Variants in SPATA3 observed in about 807,000 individuals in gnomAD.
SPATA3 encodes spermatogenesis associated 3.
A neutral mutation model predicts 5.7 loss-of-function variants in SPATA3; 6 were observed. That is an observed-to-expected ratio of 1.06 (90% CI 0.58 to 2.09). The LOEUF is 2.09. Ranked by LOEUF, SPATA3 falls within the 30% of genes most tolerant of loss-of-function variation. The pLI, the probability that SPATA3 is intolerant of heterozygous loss-of-function variation, is 0.00. For missense variants in SPATA3, 155 were observed against 130.4 expected (o/e 1.19, Z -0.92); for synonymous variants, 44 against 48.4 (o/e 0.91, Z 0.37).
At chr2:230,997,341 T>C (rs555852790) in intron 1 of SPATA3, among the ~76,000 whole-genome samples, 1 of 152,332 alleles carries the variant, frequency 6.6e-6, no homozygotes, top group South Asian at 2.1e-4. Flanking sequence ...TCCACCATGA[T>C]TGTGAGGCCT....
intron 2 of SPATA3, among the ~76,000 whole-genome samples, chr2:231,001,850 G>A (rs1463889221): frequency 6.6e-6 from 1 of 152,144 alleles, no homozygotes; most frequent in Non-Finnish European, 1.5e-5. Flanking sequence ...CTCTAGGAGA[G>A]GCTCCAACAG....
At chr2:231,010,377 C>T (rs1398060860), downstream of SPATA3, among the ~76,000 whole-genome samples, 1 of 152,346 alleles carries the variant, frequency 6.6e-6, no homozygotes. Context: ...TGTCTAGATT[C>T]TTCTTGGCCT....
chr2:231,017,927 CTT>C (rs200333917), intron 6 of SPATA3, among the ~76,000 whole-genome samples: 1 of 134,448 alleles, frequency 7.4e-6, no homozygotes, highest in Non-Finnish European at 1.6e-5. Flanking sequence ...GATAGAGAAA[CTT>C]TTTTTTTTTC....
intron 6 of SPATA3, chr2:231,014,302 C>T (rs1479131491): frequency 6.6e-6 from 1 of 152,140 alleles, no homozygotes; most frequent in African/African-American, 2.4e-5. Context: ...GATCATAAGC[C>T]TTTGTTTATA....
At chr2:231,005,616 T>TCATCAC (rs1692596805), downstream of SPATA3, among the ~76,000 whole-genome samples, 1 of 69,996 alleles carries the variant, frequency 1.4e-5, no homozygotes, top group African/African-American at 5.3e-5. Flanking sequence ...ACCATCATCA[T>TCATCAC]CATCACCATC....
At chr2:231,019,225 T>A (rs560831259) in intron 6 of SPATA3, among the ~76,000 whole-genome samples, 3 of 150,522 alleles carry the variant, frequency 2.0e-5, no homozygotes, top group South Asian at 2.1e-4. Flanking sequence ...CACCTTGGCC[T>A]CCCAAAGTGC....
chr2:231,004,459 G>C (rs987895992), downstream of SPATA3, among the ~76,000 whole-genome samples: 16 of 152,164 alleles, frequency 1.1e-4, no homozygotes, highest in Admixed American at 6.5e-4. Flanking sequence ...GGGTGTTAGA[G>C]ACACGTTTCT....
intron 1 of SPATA3, 27 bp from the exon 2 acceptor site, chr2:231,000,339 C>A: frequency 7.0e-7 from 1 of 1,435,748 alleles, no homozygotes; most frequent in Non-Finnish European, 9.2e-7. Context: ...AGGTGCCTCC[C>A]TCACCTCTCT....
intron 1 of SPATA3, chr2:230,996,166 C>T (rs1692108407): frequency 6.8e-7 from 1 of 1,469,912 alleles, no homozygotes; most frequent in Non-Finnish European, 9.0e-7. Context: ...GCAAACGGCC[C>T]CTCCAGGAGG....
downstream of SPATA3, among the ~76,000 whole-genome samples, chr2:231,003,521 T>C (rs1405583158): frequency 1.3e-5 from 2 of 152,166 alleles, no homozygotes; most frequent in Non-Finnish European, 2.9e-5. Flanking sequence ...CTTGACCCTG[T>C]GGGAGCCCTG....
At chr2:231,000,610 A>G in intron 2 of SPATA3, 73 bp downstream of exon 2, 1 of 1,322,376 alleles carries the variant, frequency 7.6e-7, no homozygotes, top group Non-Finnish European at 9.9e-7. Context: ...AGACCTTATT[A>G]GCAATCATGT....
intron 6 of SPATA3, chr2:231,014,290 C>G (rs188347253): frequency 9.9e-5 from 15 of 152,152 alleles, no homozygotes; most frequent in Non-Finnish European, 2.1e-4. Flanking sequence ...CTGTCACAAG[C>G]TGATCATAAG....
intron 5 of SPATA3, among the ~76,000 whole-genome samples, chr2:231,012,935 C>T (rs1692825025): frequency 1.3e-5 from 2 of 152,140 alleles, no homozygotes; most frequent in South Asian, 4.1e-4. Context: ...AAACCACAAC[C>T]CTGGGGCAAA....
chr2:231,002,600 C>G (rs894811802), intron 2 of SPATA3, 84 bp from the exon 3 acceptor site: 1 of 760,604 alleles, frequency 1.3e-6, no homozygotes, highest in African/African-American at 1.8e-5. Flanking sequence ...CCTGAGGGGG[C>G]CACATAATTT....
chr2:230,996,287 C>A (rs770524956), intron 1 of SPATA3: 1 of 1,551,898 alleles, frequency 6.4e-7, no homozygotes, highest in Non-Finnish European at 8.7e-7. Context: ...GAGACTCCAC[C>A]TCCCAGCATG....
At chr2:231,013,531 C>G (rs1692846528) in intron 5 of SPATA3, among the ~76,000 whole-genome samples, 1 of 151,660 alleles carries the variant, frequency 6.6e-6, no homozygotes, top group Non-Finnish European at 1.5e-5. Flanking sequence ...ACTCCTGTTG[C>G]CCAGGCTGGA....
At chr2:230,999,751 T>C (rs1692274459) in intron 1 of SPATA3, 1 of 169,186 alleles carries the variant, frequency 5.9e-6, no homozygotes, top group South Asian at 2.0e-4. Flanking sequence ...ATCAGAATGC[T>C]CTAGATCAAT....
chr2:230,997,958 AG>A (rs757893171), intron 1 of SPATA3, among the ~76,000 whole-genome samples: 2 of 152,222 alleles, frequency 1.3e-5, no homozygotes, highest in Non-Finnish European at 2.9e-5. Flanking sequence ...GGAGTCAAAC[AG>A]GTTGCTCCTG....
chr2:231,014,464 C>G (rs990788890), intron 6 of SPATA3, among the ~76,000 whole-genome samples: 4 of 152,118 alleles, frequency 2.6e-5, no homozygotes, highest in African/African-American at 9.7e-5. Flanking sequence ...TGCGACTCAC[C>G]CTCTTTCCCA....
Sources: gnomAD v4.1 joint callset for allele counts (sites outside exome capture counted in the v4.1 genomes callset) on GRCh38, gnomAD v4.1.1 for gene constraint, MANE v1.5 for transcripts, NCBI Gene and HGNC (gene_info 2026-07-23, HGNC 2026-07-21) for gene names.